SLFN12L: variants seen among roughly 807,000 people sequenced by gnomAD.
SLFN12L encodes the protein schlafen family member 12 like.
A neutral mutation model predicts 34.8 loss-of-function variants in SLFN12L; 34 were observed. The ratio of observed to expected loss-of-function variants is 0.98; its 90% CI spans 0.74 to 1.30. The LOEUF (loss-of-function observed/expected upper bound fraction) is 1.30. Ranked by LOEUF, SLFN12L falls within the 50% of genes most tolerant of loss-of-function variation. The probability of loss-of-function intolerance (pLI) is 0.00; values close to 1 mark genes in which losing one functional copy is unlikely to be tolerated. For synonymous variants in SLFN12L, 259 were observed against 247.5 expected, an observed-to-expected ratio of 1.05 and a Z score of -0.44; for missense variants, 703 against 696.2, an observed-to-expected ratio of 1.01 and a Z score of -0.11.
At chr17:35,533,833 C>A (rs1597890183) in intron 1 of SLFN12L, among the ~76,000 whole-genome samples, 2 of 152,178 alleles carry the variant, frequency 1.3e-5, no homozygotes, top group Admixed American at 1.3e-4. Context: ...GTAATCCCAG[C>A]ACTTTGGGAG....
chr17:35,464,902 A>G lies in SLFN12L; in HGVS notation c.*10021T>C, dbSNP rs1185782404. ...TTTTGCTTTTTTTAGAGAGAGATAA[A>G]GTCTTGCTCTGTCACCCAGGCTGGA... On this transcript the variant is annotated 3_prime_UTR_variant, in exon 5 of 5. Transcript: ENST00000628453. Among the ~76,000 whole-genome samples the G allele has an allele frequency of 6.6e-6, 1 of 152,120 alleles. No individual in the cohort carries two copies. Among genetic ancestry groups the G allele is most frequent in the South Asian group, 2.1e-4 (1 of 4,824 alleles).
rs57980615 is a variant in SLFN12L at position 35,471,136 on chromosome 17, C to CTT, written c.*3785_*3786dup. Reference sequence around the variant, plus strand: ...GCAATAAACATATGTGTGCATGTGTCTTTTTTTTTTTTTTTCTGAGACAGA... The same window carrying CTT: ...GCAATAAACATATGTGTGCATGTGTCTTTTTTTTTTTTTTTTTCTGAGACAGA... On this transcript the variant is annotated 3_prime_UTR_variant, in exon 5 of 5. Transcript: ENST00000628453. 7.0e-6 allele frequency among the ~76,000 whole-genome samples: 1 copy of CTT among 142,564 alleles called. No homozygotes were observed. The allele number at this position is 142,564 out of a possible 152,430, so 93.5% of individuals were successfully genotyped here.
chr17:35,498,301 T>A, intron 2 of SLFN12L: 1 of 827,028 alleles, frequency 1.2e-6, no homozygotes, highest in Non-Finnish European at 2.2e-6. Flanking sequence ...GACGGTCCCC[T>A]GAAGCAAGGA....
intron 1 of SLFN12L, among the ~76,000 whole-genome samples, chr17:35,530,461 A>AAAGAAAGG (rs2072393220): frequency 3.3e-5 from 2 of 61,326 alleles, no homozygotes; most frequent in South Asian, 5.6e-4. Flanking sequence ...AGAAAGAAAG[A>AAAGAAAGG]AAGAAAGAAA....
intron 2 of SLFN12L, among the ~76,000 whole-genome samples, chr17:35,493,555 G>A (rs530968774): frequency 2.6e-5 from 4 of 152,236 alleles, no homozygotes; most frequent in African/African-American, 9.6e-5. Context: ...GTTCCTTCAT[G>A]CCTAAGATTT....
chr17:35,493,790 A>G (rs1914934310), intron 2 of SLFN12L, among the ~76,000 whole-genome samples: 1 of 152,214 alleles, frequency 6.6e-6, no homozygotes, highest in Non-Finnish European at 1.5e-5. Flanking sequence ...TCACATTTTC[A>G]TTTTTAGCAG....
intron 1 of SLFN12L, among the ~76,000 whole-genome samples, chr17:35,531,019 T>A (rs914298555): frequency 6.6e-6 from 1 of 152,188 alleles, no homozygotes; most frequent in South Asian, 2.1e-4. Flanking sequence ...TAGCCCCAAA[T>A]GCCTATATTG....
At chr17:35,484,299 T>C (rs1914488072) in intron 2 of SLFN12L, among the ~76,000 whole-genome samples, 2 of 152,184 alleles carry the variant, frequency 1.3e-5, no homozygotes, top group African/African-American at 4.8e-5. Context: ...TCTAGGGAAA[T>C]ATTTAGAAAC....
intron 2 of SLFN12L, among the ~76,000 whole-genome samples, chr17:35,482,046 G>A (rs1026468617): frequency 6.6e-6 from 1 of 152,066 alleles, no homozygotes; most frequent in Non-Finnish European, 1.5e-5. Flanking sequence ...ATTTTTAGTA[G>A]AGACAGCGTT....
chr17:35,529,245 T>A (rs1013297170), intron 1 of SLFN12L, among the ~76,000 whole-genome samples: 1 of 152,188 alleles, frequency 6.6e-6, no homozygotes, highest in Non-Finnish European at 1.5e-5. Flanking sequence ...ACACTGTTGA[T>A]GGGAGTGTAA....
At chr17:35,493,498 C>T (rs1236805678) in intron 2 of SLFN12L, among the ~76,000 whole-genome samples, 3 of 152,094 alleles carry the variant, frequency 2.0e-5, no homozygotes, top group Non-Finnish European at 4.4e-5. Flanking sequence ...AATGTAATGC[C>T]GTATTTATTG....
chr17:35,525,483 G>A (rs1030887423), intron 1 of SLFN12L, among the ~76,000 whole-genome samples: 6 of 152,136 alleles, frequency 3.9e-5, no homozygotes, highest in African/African-American at 1.2e-4. Flanking sequence ...ACCCACAAAC[G>A]GAAGCCCATC....
chr17:35,533,581 T>C (rs546060554), intron 1 of SLFN12L, among the ~76,000 whole-genome samples: 42 of 152,226 alleles, frequency 2.8e-4, no homozygotes, highest in Admixed American at 2.6e-3. Context: ...ATCTGAAGAA[T>C]GCAAATGAGG....
Position 35,475,476 on chromosome 17 carries a change from T to G in SLFN12L, c.1286A>C (p.Glu429Ala). 6.2e-7 allele frequency: 1 copy of G among 1,605,638 alleles called. No individual in the cohort carries two copies. The highest frequency in any genetic ancestry group is 1.1e-5 in the South Asian group (1 of 89,778). Residue 429 changes from glutamate (E) to alanine (A), a missense_variant, in exon 5 of 5, where the codon GAA becomes GCA. By Grantham distance (107) the Glu-to-Ala change is moderately radical. Coordinates refer to ENST00000628453, the MANE Select transcript of SLFN12L (RefSeq NM_001363830.2). ...PLRYHLPGLSEKITCAPKTFC... is the reference protein window; with the variant it reads ...PLRYHLPGLSAKITCAPKTFC... ...GGTTTTTGGAGCACAAGTTATCTTT[T>G]CTGATAGCCCTAGATGGGGAAATAA...
At position 35,522,787 on chromosome 17, in the gene SLFN12L, C is replaced by T. The variant is rs1251859954; in HGVS notation, c.-423G>A. The T allele has an allele frequency of 9.6e-6, 15 of 1,555,862 alleles. 1 individual carries two copies. Among genetic ancestry groups the T allele is most frequent in the Non-Finnish European group, 1.3e-5 (15 of 1,131,288 alleles). On this transcript the variant is annotated 5_prime_UTR_variant, in exon 2 of 5. An upstream start codon of the reference 5' UTR is lost. Coordinates refer to ENST00000628453, the MANE Select transcript of SLFN12L (RefSeq NM_001363830.2). ...GGGCTGTTCTATGCTATCAGCAGAG[C>T]ATCACAGATGACTCCTGGCTTCTCC... is the stretch of plus-strand genomic sequence containing the variant.
At chr17:35,498,024 AT>A (rs1392482665) in intron 2 of SLFN12L, among the ~76,000 whole-genome samples, 1 of 152,174 alleles carries the variant, frequency 6.6e-6, no homozygotes, top group African/African-American at 2.4e-5. Flanking sequence ...GCTCTAAAAA[AT>A]AATAATAATT....
chr17:35,536,729 G>T (rs1051223074), intron 1 of SLFN12L, among the ~76,000 whole-genome samples: 1 of 151,682 alleles, frequency 6.6e-6, no homozygotes, highest in Non-Finnish European at 1.5e-5. Context: ...GATCACTTGA[G>T]CCTAGGGAGG....
Position 35,474,701 on chromosome 17 carries a change from G to T in SLFN12L, c.*222C>A. The T allele has an allele frequency of 8.6e-6, 3 of 348,732 alleles. No homozygotes were observed. Among genetic ancestry groups the T allele is most frequent in the East Asian group, 5.5e-5 (1 of 18,236 alleles). The allele number at this position is 348,732 out of a possible 1,614,324, so 21.6% of individuals were successfully genotyped here. ...CTTTGGGAGACCGGGGGGGGGGGTT[G>T]AATCACGAGGTCAGGAGTTCAAGAC... is the stretch of plus-strand genomic sequence containing the variant. On this transcript the variant is annotated 3_prime_UTR_variant, in exon 5 of 5. Transcript: ENST00000628453.
At chr17:35,514,650 G>A in intron 2 of SLFN12L, 1 of 275,218 alleles carries the variant, frequency 3.6e-6, no homozygotes, top group Non-Finnish European at 7.2e-6. Context: ...CATTAACTTT[G>A]GTAGATTTCA....
Sources: allele counts gnomAD v4.1 joint callset (sites outside exome capture counted in the v4.1 genomes callset), GRCh38; gene constraint gnomAD v4.1.1; transcripts MANE v1.5; gene names NCBI Gene and HGNC (gene_info 2026-07-23, HGNC 2026-07-21).